Variants in MCCC2 observed in about 807,000 individuals in gnomAD.
MCCC2 encodes methylcrotonoyl-CoA carboxylase beta chain, mitochondrial.
Under a neutral mutation model 77.2 loss-of-function variants are expected in MCCC2, and 52 were observed. The observed-to-expected ratio is 0.67, with a 90% CI of 0.54 to 0.85. MCCC2 has a LOEUF of 0.85. Ranked by LOEUF, MCCC2 falls within the 40% of genes least tolerant of loss-of-function variation. The pLI is 0.00. For missense variants in MCCC2, 682 were observed against 703.2 expected (o/e 0.97, Z 0.34); for synonymous variants, 253 against 248.4 (o/e 1.02, Z -0.18).
chr5:71,650,032 T>C (rs763614092), intron 14 of MCCC2, 37 bp from the exon 15 acceptor site: 4 of 1,516,834 alleles, frequency 2.6e-6, no homozygotes, highest in East Asian at 4.5e-5. Flanking sequence ...TGTTGTATAT[T>C]GACTTAATTT....
chr5:71,610,813 C>T (rs1025887945), intron 6 of MCCC2, among the ~76,000 whole-genome samples: 19 of 151,930 alleles, frequency 1.3e-4, no homozygotes, highest in African/African-American at 2.9e-4. Flanking sequence ...GGTGAAACCC[C>T]GTCTCTATTA....
intron 7 of MCCC2, among the ~76,000 whole-genome samples, chr5:71,629,393 A>G (rs887336991): frequency 1.3e-5 from 2 of 152,050 alleles, no homozygotes; most frequent in Non-Finnish European, 1.5e-5. Flanking sequence ...AATTTTCTGG[A>G]ATTGGGTAGT....
chr5:71,619,787 C>T (rs147076209), intron 6 of MCCC2, among the ~76,000 whole-genome samples: 1,817 of 152,058 alleles, frequency 0.012, 49 homozygotes, highest in African/African-American at 0.042. Context: ...GTCAGGAGAT[C>T]GAGACCATCC....
Position 71,657,702 on chromosome 5 carries a change from C to G in MCCC2, c.*842C>G, listed in dbSNP as rs1747622530. ...TCGGCCTCCCAAAGTGCTGGGATTA[C>G]AGGTGTGAGCCACCGCGCCTGACCA... On this transcript the variant is annotated 3_prime_UTR_variant, in exon 17 of 17. Coordinates refer to ENST00000340941, the MANE Select transcript of MCCC2 (RefSeq NM_022132.5). The G allele has an allele frequency of 1.3e-5, 2 of 152,312 alleles. No individual in the cohort carries two copies. The highest frequency in any genetic ancestry group is 2.4e-5 in the African/African-American group (1 of 41,448). 9.4% of individuals were successfully genotyped at this position (152,312 alleles called of 1,614,324 possible).
At chr5:71,605,374 T>C (rs1216732942) in intron 6 of MCCC2, among the ~76,000 whole-genome samples, 2 of 151,936 alleles carry the variant, frequency 1.3e-5, no homozygotes, top group African/African-American at 4.8e-5. Context: ...GCTGCATAAA[T>C]GTCTTCTTCT....
At chr5:71,622,247 A>G (rs964679556) in intron 6 of MCCC2, among the ~76,000 whole-genome samples, 2 of 150,622 alleles carry the variant, frequency 1.3e-5, no homozygotes, top group African/African-American at 4.9e-5. Flanking sequence ...GATGAATGCA[A>G]CATGGCAAAA....
chr5:71,592,795 G>C, intron 1 of MCCC2, 131 bp from the exon 2 acceptor site: 1 of 734,198 alleles, frequency 1.4e-6, no homozygotes, highest in Non-Finnish European at 2.4e-6. Context: ...CCACAGATGG[G>C]GTGGCCCAGT....
intron 9 of MCCC2, 31 bp from the exon 10 acceptor site, chr5:71,635,120 A>G: frequency 6.2e-7 from 1 of 1,612,508 alleles, no homozygotes; most frequent in Non-Finnish European, 8.5e-7. Flanking sequence ...TCATGTCTTT[A>G]AACAGGTTAA....
intron 4 of MCCC2, among the ~76,000 whole-genome samples, chr5:71,602,121 A>G (rs1304934129): frequency 1.3e-5 from 2 of 152,120 alleles, no homozygotes; most frequent in Admixed American, 1.3e-4. Context: ...TTGAAGGTTT[A>G]TTATGAGGGA....
At chr5:71,644,033 ATGTGTGTGTGTG>A (rs61210707) in intron 12 of MCCC2, 138 bp downstream of exon 12, 14 of 558,478 alleles carry the variant, frequency 2.5e-5, no homozygotes, top group African/African-American at 1.9e-4. Flanking sequence ...GTGCGCGGGC[ATGTGTGTGTGTG>A]TGTGTGTGTG....
intron 7 of MCCC2, among the ~76,000 whole-genome samples, 194 bp downstream of exon 7, chr5:71,626,947 A>G (rs960801017): frequency 1.3e-5 from 2 of 152,158 alleles, no homozygotes; most frequent in East Asian, 3.8e-4. Context: ...CATCACTACC[A>G]TCTATCTCGA....
intron 4 of MCCC2, 44 bp from the exon 5 acceptor site, chr5:71,602,462 G>T: frequency 6.2e-7 from 1 of 1,613,766 alleles, no homozygotes; most frequent in Middle Eastern, 1.7e-4. Flanking sequence ...TAGTTTTGAA[G>T]AAATCTCTTA....
rs1355661083 is a variant in MCCC2 at position 71,628,041 on chromosome 5, A to G, written c.738+1288A>G. Among the ~76,000 whole-genome samples the G allele has an allele frequency of 2.0e-5, 3 of 151,988 alleles. No homozygotes were observed. In the East Asian group the frequency reaches 5.8e-4, roughly 29 times the overall value. Reference sequence around the variant, plus strand: ...GTATTTTTAGTAGAGACAGGGTTTCACCATGTTGGCCAGGCTGGTTTTGAA... The same window carrying G: ...GTATTTTTAGTAGAGACAGGGTTTCGCCATGTTGGCCAGGCTGGTTTTGAA... On this transcript the variant is annotated intron_variant, in intron 7 of 16. Coordinates refer to ENST00000340941, the MANE Select transcript of MCCC2 (RefSeq NM_022132.5).
intron 12 of MCCC2, among the ~76,000 whole-genome samples, chr5:71,644,269 G>A (rs1747219257): frequency 1.3e-5 from 2 of 152,092 alleles, no homozygotes; most frequent in Non-Finnish European, 2.9e-5. Context: ...TACTTGTCCT[G>A]AAAGTGCTTC....
At chr5:71,622,133 C>T (rs970118101) in intron 6 of MCCC2, among the ~76,000 whole-genome samples, 2 of 152,094 alleles carry the variant, frequency 1.3e-5, no homozygotes, top group African/African-American at 4.8e-5. Flanking sequence ...TTTCAGTGTC[C>T]TCTTAGTGGA....
chr5:71,604,582 C>CTTTT, intron 6 of MCCC2, 114 bp downstream of exon 6: 7 of 666,000 alleles, frequency 1.1e-5, no homozygotes, highest in Non-Finnish European at 1.5e-5. Flanking sequence ...AAAATCTAAT[C>CTTTT]TTTTTTTTTT....
chr5:71,589,699 G>A (rs996627857), intron 1 of MCCC2, among the ~76,000 whole-genome samples: 1 of 152,174 alleles, frequency 6.6e-6, no homozygotes, highest in Admixed American at 6.5e-5. Flanking sequence ...AATAATAATG[G>A]CAGGAATTTT....
chr5:71,621,541 CTG>C (rs1746348971), intron 6 of MCCC2, among the ~76,000 whole-genome samples: 1 of 152,130 alleles, frequency 6.6e-6, no homozygotes, highest in African/African-American at 2.4e-5. Context: ...CTGCAGTGAG[CTG>C]TGTTTGTGCC....
chr5:71,589,962 G>T (rs2112262230), intron 1 of MCCC2, among the ~76,000 whole-genome samples: 2 of 152,256 alleles, frequency 1.3e-5, no homozygotes, highest in Admixed American at 1.3e-4. Context: ...CTCTACCTAG[G>T]TGGGTTCTAT....
Sources: gnomAD v4.1 joint callset for allele counts (sites outside exome capture counted in the v4.1 genomes callset) on GRCh38, gnomAD v4.1.1 for gene constraint, MANE v1.5 for transcripts, NCBI Gene and HGNC (gene_info 2026-07-23, HGNC 2026-07-21) for gene names.